GRID2: variants seen among roughly 807,000 people sequenced by gnomAD.
The protein encoded by GRID2 is glutamate ionotropic receptor delta type subunit 2.
A neutral mutation model predicts 114.8 loss-of-function variants in GRID2; 33 were observed. That is an observed-to-expected ratio of 0.29 (90% CI 0.22 to 0.38). The LOEUF (loss-of-function observed/expected upper bound fraction) is 0.38, where lower values mean the gene tolerates loss of function less well. GRID2 is among the 10% of genes least tolerant of loss of function. GRID2 has a pLI of 1.00. For missense variants in GRID2, 1,184 were observed against 1,257.7 expected (o/e 0.94, Z 0.89); for synonymous variants, 505 against 449.9 (o/e 1.12, Z -1.55).
At chr4:93,517,891 T>C (rs182669335) in intron 13 of GRID2, among the ~76,000 whole-genome samples, 1 of 150,460 alleles carries the variant, frequency 6.6e-6, no homozygotes, top group Admixed American at 6.7e-5. Flanking sequence ...AGAATCCATA[T>C]ATATATATAT....
At chr4:93,306,140 A>G (rs1755398837) in intron 8 of GRID2, 1 of 152,214 alleles carries the variant, frequency 6.6e-6, no homozygotes, top group Non-Finnish European at 1.5e-5. Flanking sequence ...GCAGAACAAC[A>G]ACAAAATGTT....
chr4:93,620,626 A>T lies in GRID2; in HGVS notation c.2194-5643A>T, dbSNP rs76355268. ...TAATCCCTAACATGTTGAGGAACATAGGTGCAGGTTTTGAAAATGCACTTT... is the reference window on the plus strand; with the variant it reads ...TAATCCCTAACATGTTGAGGAACATTGGTGCAGGTTTTGAAAATGCACTTT... On this transcript the variant is annotated intron_variant, in intron 13 of 15. Coordinates refer to ENST00000282020, the MANE Select transcript of GRID2 (RefSeq NM_001510.4). Among the ~76,000 whole-genome samples, 1,473 of 152,340 alleles carry T rather than the reference A, an allele frequency of 9.7e-3. 18 individuals carry two copies. The highest frequency in any genetic ancestry group is 0.044 in the Middle Eastern group (13 of 294).
intron 2 of GRID2, among the ~76,000 whole-genome samples, chr4:92,660,285 A>G (rs1239528679): frequency 1.3e-5 from 2 of 151,352 alleles, no homozygotes; most frequent in South Asian, 2.1e-4. Flanking sequence ...AAGAATAAGA[A>G]CAGATTTTTC....
intron 2 of GRID2, among the ~76,000 whole-genome samples, chr4:92,673,393 A>G (rs561446213): frequency 6.6e-6 from 1 of 152,306 alleles, no homozygotes; most frequent in East Asian, 1.9e-4. Context: ...TGTGTTTTAA[A>G]TATTGAGTTG....
chr4:93,285,327 C>G (rs556660300), intron 8 of GRID2, among the ~76,000 whole-genome samples: 1 of 152,096 alleles, frequency 6.6e-6, no homozygotes, highest in African/African-American at 2.4e-5. Context: ...TCTGCTTTTG[C>G]AAACTATGTA....
intron 4 of GRID2, among the ~76,000 whole-genome samples, chr4:93,183,289 C>T (rs557541378): frequency 1.3e-4 from 20 of 152,184 alleles, no homozygotes; most frequent in Admixed American, 3.3e-4. Flanking sequence ...TACCTTTTAT[C>T]CATGTCTGTC....
intron 1 of GRID2, among the ~76,000 whole-genome samples, chr4:93,783,631 G>C (rs1312917565): frequency 2.6e-5 from 4 of 152,142 alleles, no homozygotes; most frequent in African/African-American, 7.2e-5. Context: ...ATACTCTGCC[G>C]GATTAGCATC....
chr4:93,136,367 C>T (rs1487196978), intron 4 of GRID2, among the ~76,000 whole-genome samples: 1 of 151,536 alleles, frequency 6.6e-6, no homozygotes, highest in African/African-American at 2.4e-5. Context: ...AGTAGTGATA[C>T]TGTTATTCTT....
intron 2 of GRID2, among the ~76,000 whole-genome samples, chr4:92,917,787 G>A (rs1425006437): frequency 1.3e-5 from 2 of 152,120 alleles, no homozygotes; most frequent in Non-Finnish European, 2.9e-5. Context: ...GTAGCGTGAT[G>A]CCTCCAGCTT....
chr4:92,362,365 T>A (rs1245506261), intron 1 of GRID2, among the ~76,000 whole-genome samples: 3 of 152,024 alleles, frequency 2.0e-5, no homozygotes, highest in Non-Finnish European at 4.4e-5. Context: ...AAAAACAAAG[T>A]AGATTGCAAA....
chr4:92,779,495 G>T (rs546475031), intron 2 of GRID2, among the ~76,000 whole-genome samples: 2 of 151,982 alleles, frequency 1.3e-5, no homozygotes, highest in Admixed American at 6.6e-5. Flanking sequence ...TTATTCTCTC[G>T]CACACCAAAT....
intron 1 of GRID2, among the ~76,000 whole-genome samples, chr4:92,366,803 C>T (rs1728892086): frequency 6.6e-6 from 1 of 151,724 alleles, no homozygotes; most frequent in African/African-American, 2.4e-5. Flanking sequence ...TCTCAGGCTA[C>T]GATAACAGCA....
At chr4:92,566,339 G>A (rs931305735) in intron 1 of GRID2, among the ~76,000 whole-genome samples, 2 of 151,700 alleles carry the variant, frequency 1.3e-5, no homozygotes, top group African/African-American at 2.4e-5. Flanking sequence ...TGCATAGCAC[G>A]TAACTATCTA....
At chr4:93,530,083 T>C (rs1333713021) in intron 13 of GRID2, among the ~76,000 whole-genome samples, 1 of 152,182 alleles carries the variant, frequency 6.6e-6, no homozygotes, top group Non-Finnish European at 1.5e-5. Flanking sequence ...ATCCTGCCTC[T>C]GACACATCTC....
chr4:93,539,805 TTTTG>T (rs904721148), intron 13 of GRID2, among the ~76,000 whole-genome samples: 6 of 152,100 alleles, frequency 3.9e-5, no homozygotes, highest in East Asian at 1.9e-4. Context: ...GATGGGTTTT[TTTTG>T]TTTGTTTGTT....
chr4:92,860,892 A>G (rs547255396), intron 2 of GRID2, among the ~76,000 whole-genome samples: 1 of 152,118 alleles, frequency 6.6e-6, no homozygotes, highest in East Asian at 1.9e-4. Flanking sequence ...TGCTAAGTAC[A>G]CTAACTTTAA....
At chr4:92,797,152 C>T (rs140555023) in intron 2 of GRID2, among the ~76,000 whole-genome samples, 2 of 152,042 alleles carry the variant, frequency 1.3e-5, no homozygotes, top group African/African-American at 2.4e-5. Context: ...TTCTTGGGAA[C>T]ACTTCTAGCA....
At chr4:92,385,898 G>GTATA (rs1196597851) in intron 1 of GRID2, among the ~76,000 whole-genome samples, 3 of 90,986 alleles carry the variant, frequency 3.3e-5, no homozygotes, top group Non-Finnish European at 4.6e-5. Context: ...GTGTGTGTGT[G>GTATA]TGTATATATA....
At position 92,708,173 on chromosome 4, in the gene GRID2, C is replaced by T. The variant is rs375397843; in HGVS notation, c.244+117887C>T. On this transcript the variant is annotated intron_variant, in intron 2 of 15. Coordinates refer to ENST00000282020, the MANE Select transcript of GRID2 (RefSeq NM_001510.4). ...AGCACTGGACTTCCCACAGTTTAAG[C>T]GAAGGGAATGAAGGCAGTTTTACTT... 5.3e-5 allele frequency among the ~76,000 whole-genome samples: 8 copies of T among 151,990 alleles called. No individual in the cohort carries two copies. In the East Asian group the frequency reaches 5.8e-4, roughly 11 times the overall value.
Sources: allele counts gnomAD v4.1 joint callset (sites outside exome capture counted in the v4.1 genomes callset), GRCh38; gene constraint gnomAD v4.1.1; transcripts MANE v1.5; gene names NCBI Gene and HGNC (gene_info 2026-07-23, HGNC 2026-07-21).